VPS13D: variants seen among roughly 807,000 people sequenced by gnomAD.
The protein encoded by VPS13D is intermembrane lipid transfer protein VPS13D.
A neutral mutation model predicts 461.9 loss-of-function variants in VPS13D; 187 were observed. That is an observed-to-expected ratio of 0.40 (90% CI 0.36 to 0.46). The LOEUF is 0.46. Ranked by LOEUF, VPS13D falls within the 20% of genes least tolerant of loss-of-function variation. The probability of loss-of-function intolerance (pLI) is 0.60; values close to 1 mark genes in which losing one functional copy is unlikely to be tolerated. For synonymous variants in VPS13D, 1,951 were observed against 1,986.3 expected, an observed-to-expected ratio of 0.98 and a Z score of 0.47; for missense variants, 4,711 against 5,364.9, an observed-to-expected ratio of 0.88 and a Z score of 3.81.
intron 66 of VPS13D, among the ~76,000 whole-genome samples, chr1:12,458,602 T>C (rs1160859219): frequency 6.6e-6 from 1 of 151,954 alleles, no homozygotes; most frequent in African/African-American, 2.4e-5. Context: ...AGATATTGCC[T>C]CACTGGAGCA....
At chr1:12,269,903 T>A (rs1394018547) in intron 16 of VPS13D, among the ~76,000 whole-genome samples, 1 of 152,140 alleles carries the variant, frequency 6.6e-6, no homozygotes, top group African/African-American at 2.4e-5. Context: ...ATCCTAGAAC[T>A]TTGAGAGTCG....
intron 2 of VPS13D, among the ~76,000 whole-genome samples, chr1:12,240,819 G>A (rs1393858583): frequency 3.7e-5 from 4 of 108,334 alleles, no homozygotes; most frequent in African/African-American, 1.4e-4. Flanking sequence ...GTGGTGGGGC[G>A]GGGTGGGGGG....
rs758420587 is a variant in VPS13D, at chr1:12,277,124, G to A, written c.3536G>A (p.Arg1179Gln). The change falls in exon 19 of 70, where the codon CGG becomes CAG. Residue 1179 changes from arginine to glutamine, a missense_variant. This residue lies in a region of VPS13D where 4,411 missense variants were observed against 4,937.8 expected (regional missense o/e 0.89). Transcript: ENST00000620676. Reference sequence around the variant, plus strand: ...CATAGGCTGAACTTACTGCTTCTTCGGACAGTGGGCATGGCAAATAGAGAG... The same window carrying A: ...CATAGGCTGAACTTACTGCTTCTTCAGACAGTGGGCATGGCAAATAGAGAG... ...EIHRLNLLLL[R>Q]TVGMANREKY... is the part of the protein sequence containing the mutation. 2.5e-6 allele frequency: 4 copies of A among 1,614,134 alleles called. No homozygotes were observed. The highest frequency in any genetic ancestry group is 2.2e-5 in the South Asian group (2 of 91,066).
intron 60 of VPS13D, among the ~76,000 whole-genome samples, chr1:12,394,845 A>G (rs1013881357): frequency 6.6e-6 from 1 of 152,162 alleles, no homozygotes; most frequent in African/African-American, 2.4e-5. Context: ...TACCTCTCCA[A>G]GCTGCAACAT....
At chr1:12,260,626 T>C (rs879159351) in intron 10 of VPS13D, 67 bp from the exon 11 acceptor site, 2 of 1,270,366 alleles carry the variant, frequency 1.6e-6, no homozygotes, top group Non-Finnish European at 2.2e-6. Flanking sequence ...CTTGTGAGGG[T>C]GTCCAGTGTC....
rs1398287376 is a variant in VPS13D, at chr1:12,304,741, A to T, written c.6439+13A>T. 6.2e-7 allele frequency: 1 copy of T among 1,613,460 alleles called. No individual in the cohort carries two copies. Among genetic ancestry groups the T allele is most frequent in the South Asian group, 1.1e-5 (1 of 91,056 alleles). On this transcript the variant is annotated intron_variant, in intron 26 of 69. Transcript: ENST00000620676. ...TCCAGTAGTCCAGGTAAAAGAGGAGAAAAGCAACATAATACTGAAGGTGGG... is the reference window on the plus strand; with the variant it reads ...TCCAGTAGTCCAGGTAAAAGAGGAGTAAAGCAACATAATACTGAAGGTGGG...
At chr1:12,310,006 A>G (rs1042714258) in intron 27 of VPS13D, among the ~76,000 whole-genome samples, 3 of 151,966 alleles carry the variant, frequency 2.0e-5, no homozygotes, top group Non-Finnish European at 2.9e-5. Flanking sequence ...GGCATGGGCT[A>G]TATTTGGTTT....
intron 67 of VPS13D, among the ~76,000 whole-genome samples, chr1:12,467,095 A>G (rs142385666): frequency 2.0e-4 from 30 of 152,356 alleles, no homozygotes; most frequent in African/African-American, 7.0e-4. Context: ...CCAGAAGAAC[A>G]CTAAGACCTG....
chr1:12,267,793 A>T (rs976136140), intron 14 of VPS13D, 52 bp from the exon 15 acceptor site: 2 of 1,537,210 alleles, frequency 1.3e-6, no homozygotes, highest in Admixed American at 1.7e-5. Flanking sequence ...TGTTTAGTGA[A>T]TTGTCCCCTC....
intron 26 of VPS13D, among the ~76,000 whole-genome samples, chr1:12,305,049 T>A (rs576447101): frequency 6.6e-6 from 1 of 152,332 alleles, no homozygotes; most frequent in South Asian, 2.1e-4. Context: ...GAAAGAGTCC[T>A]GCATTCTGCA....
chr1:12,503,289 A>G (rs776797090), intron 68 of VPS13D, among the ~76,000 whole-genome samples: 17 of 152,048 alleles, frequency 1.1e-4, no homozygotes, highest in Non-Finnish European at 2.2e-4. Flanking sequence ...ACTGAGCCCC[A>G]AGCCCAGAGT....
intron 24 of VPS13D, 35 bp downstream of exon 24, chr1:12,293,739 G>T: frequency 6.3e-7 from 1 of 1,596,210 alleles, no homozygotes. Flanking sequence ...TGCTTTTCCA[G>T]TTTGACTGAT....
intron 65 of VPS13D, among the ~76,000 whole-genome samples, chr1:12,446,993 C>T (rs540303333): frequency 6.6e-6 from 1 of 152,250 alleles, no homozygotes; most frequent in South Asian, 2.1e-4. Context: ...TTCTAGGCCA[C>T]GTGGCCTCCG....
At chr1:12,352,465 A>C (rs144096186) in intron 46 of VPS13D, among the ~76,000 whole-genome samples, 131 of 152,344 alleles carry the variant, frequency 8.6e-4, no homozygotes, top group African/African-American at 3.0e-3. Context: ...GCCAATAGAC[A>C]AATGGAAAGA....
chr1:12,429,677 A>G (rs540335260), intron 65 of VPS13D, among the ~76,000 whole-genome samples: 114 of 152,354 alleles, frequency 7.5e-4, no homozygotes, highest in African/African-American at 2.7e-3. Context: ...TACTATAGCA[A>G]TACAGACAGG....
intron 35 of VPS13D, among the ~76,000 whole-genome samples, chr1:12,325,976 C>CTT (rs70987244): frequency 0.076 from 10,428 of 137,184 alleles, 623 homozygotes; most frequent in African/African-American, 0.15. Flanking sequence ...TACTTGATTT[C>CTT]TTTTTTTTTT....
intron 67 of VPS13D, among the ~76,000 whole-genome samples, chr1:12,493,585 A>T (rs934661677): frequency 6.6e-6 from 1 of 152,118 alleles, no homozygotes; most frequent in Admixed American, 6.5e-5. Context: ...ACTGTCACTG[A>T]GCATGAACAA....
intron 38 of VPS13D, 105 bp downstream of exon 38, chr1:12,333,471 G>A: frequency 7.2e-7 from 1 of 1,397,370 alleles, no homozygotes. Flanking sequence ...CCTGTACCAG[G>A]CATCACTTCT....
At chr1:12,288,818 A>C (rs907052454) in intron 22 of VPS13D, among the ~76,000 whole-genome samples, 3 of 152,096 alleles carry the variant, frequency 2.0e-5, no homozygotes, top group African/African-American at 4.8e-5. Flanking sequence ...GTTATGCAGG[A>C]GGACATTGTA....
Sources: gnomAD v4.1 joint callset for allele counts (sites outside exome capture counted in the v4.1 genomes callset) on GRCh38, gnomAD v4.1.1 for gene constraint, gnomAD v4.1.1 regional missense constraint, MANE v1.5 for transcripts, NCBI Gene and HGNC (gene_info 2026-07-23, HGNC 2026-07-21) for gene names.